The following ATP8A2 variants were observed in gnomAD, a reference collection of about 807,000 sequenced individuals.
The protein encoded by ATP8A2 is ATPase phospholipid transporting 8A2.
A neutral mutation model predicts 165.6 loss-of-function variants in ATP8A2; 100 were observed. The ratio of observed to expected loss-of-function variants is 0.60; its 90% CI spans 0.51 to 0.71. The LOEUF (loss-of-function observed/expected upper bound fraction) is 0.71. Ranked by LOEUF, ATP8A2 falls within the 30% of genes least tolerant of loss-of-function variation. The pLI is 0.00. For missense variants in ATP8A2, 1,227 were observed against 1,479.5 expected (o/e 0.83, Z 2.80); for synonymous variants, 543 against 548.8 (o/e 0.99, Z 0.15).
chr13:25,565,997 A>G (rs1301555690), intron 16 of ATP8A2, among the ~76,000 whole-genome samples: 1 of 152,206 alleles, frequency 6.6e-6, no homozygotes, highest in Non-Finnish European at 1.5e-5. Context: ...TTAGGTAAAC[A>G]TGAGCAAAAT....
chr13:25,531,893 G>C (rs2038125768), intron 4 of ATP8A2, among the ~76,000 whole-genome samples: 1 of 152,148 alleles, frequency 6.6e-6, no homozygotes, highest in South Asian at 2.1e-4. Flanking sequence ...AACACTTCTA[G>C]TCCCGAGCAT....
At position 25,428,042 on chromosome 13, in the gene ATP8A2, G is replaced by A. The variant is rs140106610; in HGVS notation, c.77-40935G>A. Among the ~76,000 whole-genome samples, 783 of 152,222 alleles carry A rather than the reference G, an allele frequency of 5.1e-3. 7 individuals carry two copies. The highest frequency in any genetic ancestry group is 0.016 in the African/African-American group (676 of 41,520). On this transcript the variant is annotated intron_variant, in intron 1 of 36. Coordinates refer to ENST00000381655, the MANE Select transcript of ATP8A2 (RefSeq NM_016529.6). The stretch of plus-strand genomic sequence containing the variant: ...CTACAAAAATTACAAAAATTAGCCA[G>A]GCATGGTGATGTGCGCCTGTAGTCC...
intron 25 of ATP8A2, among the ~76,000 whole-genome samples, chr13:25,734,998 G>T (rs942177390): frequency 2.6e-5 from 4 of 152,142 alleles, no homozygotes; most frequent in Admixed American, 6.5e-5. Context: ...AGGAACAAGC[G>T]ATAAGTTCTA....
intron 1 of ATP8A2, among the ~76,000 whole-genome samples, chr13:25,458,407 G>T (rs2137470303): frequency 6.6e-6 from 1 of 152,268 alleles, no homozygotes; most frequent in Middle Eastern, 3.4e-3. Context: ...TGAGATGAGG[G>T]TCTTTCTGTG....
chr13:25,376,854 A>G (rs1460471647), intron 1 of ATP8A2, among the ~76,000 whole-genome samples: 7 of 152,234 alleles, frequency 4.6e-5, no homozygotes, highest in Non-Finnish European at 1.0e-4. Flanking sequence ...TACTGTCATT[A>G]TCCAGGTGTA....
chr13:25,720,452 G>A (rs900825209), intron 25 of ATP8A2, among the ~76,000 whole-genome samples: 1 of 152,070 alleles, frequency 6.6e-6, no homozygotes, highest in Non-Finnish European at 1.5e-5. Context: ...ATGAGCCACT[G>A]CGCCTGGCCA....
rs1671453270 is a variant in ATP8A2 at position 26,022,571 on chromosome 13, A to G, written c.*2586A>G. 1 of 152,238 alleles carries G rather than the reference A, an allele frequency of 6.6e-6. No individual in the cohort carries two copies. The highest frequency in any genetic ancestry group is 6.5e-5 in the Admixed American group (1 of 15,290). The allele number at this position is 152,238 out of a possible 1,614,324, so 9.4% of individuals were successfully genotyped here. A position where few individuals can be genotyped will look rare whatever the true frequency, so the allele number is the denominator to read the frequency against. On this transcript the variant is annotated 3_prime_UTR_variant, in exon 37 of 37. Coordinates refer to ENST00000381655, the MANE Select transcript of ATP8A2 (RefSeq NM_016529.6). ...GCCTTTCTATCCTCTCATGTGGTTG[A>G]GCATTCTTACAGCCAAATGACTAAA...
At chr13:25,851,582 C>CAAA (rs200852097) in intron 30 of ATP8A2, among the ~76,000 whole-genome samples, 15,566 of 108,612 alleles carry the variant, frequency 0.14, 1,105 homozygotes, top group Non-Finnish European at 0.21. Flanking sequence ...GACTCTGTCT[C>CAAA]AAAAAAAAAA....
intron 2 of ATP8A2, among the ~76,000 whole-genome samples, chr13:25,479,948 G>C (rs1406544046): frequency 4.6e-5 from 7 of 150,966 alleles, no homozygotes; most frequent in African/African-American, 9.7e-5. Flanking sequence ...ACCTTTCCCC[G>C]CTTTCTATTC....
intron 36 of ATP8A2, among the ~76,000 whole-genome samples, chr13:26,019,355 C>T (rs1957048479): frequency 6.6e-6 from 1 of 152,220 alleles, no homozygotes; most frequent in Non-Finnish European, 1.5e-5. Flanking sequence ...TGGGATCGCG[C>T]CACTGCACTC....
chr13:25,683,330 G>A (rs990352822), intron 24 of ATP8A2, among the ~76,000 whole-genome samples: 3 of 152,190 alleles, frequency 2.0e-5, no homozygotes, highest in African/African-American at 7.2e-5. Context: ...GTGGACTGCA[G>A]TTGGTCCTCT....
intron 35 of ATP8A2, among the ~76,000 whole-genome samples, chr13:26,002,892 GTGTA>G (rs1489210049): frequency 1.8e-4 from 26 of 143,620 alleles, no homozygotes; most frequent in African/African-American, 6.8e-4. Flanking sequence ...GTGTGTGTGT[GTGTA>G]TGTACCACAG....
At position 25,912,503 on chromosome 13, in the gene ATP8A2, T is replaced by C. The variant is rs145437663; in HGVS notation, c.3184-49072T>C. 2.0e-3 allele frequency among the ~76,000 whole-genome samples: 302 copies of C among 152,296 alleles called. 3 individuals are homozygous for C. The highest frequency in any genetic ancestry group is 6.9e-3 in the African/African-American group (285 of 41,556). ...GAGTAGTGAATATAGTAAATAATAA[T>C]GTATCATACACTTAAAAATCACTAA... is the stretch of plus-strand genomic sequence containing the variant. On this transcript the variant is annotated intron_variant, in intron 33 of 36. Transcript: ENST00000381655.
intron 8 of ATP8A2, among the ~76,000 whole-genome samples, chr13:25,540,927 C>A (rs1403644063): frequency 6.6e-6 from 1 of 151,050 alleles, no homozygotes; most frequent in Non-Finnish European, 1.5e-5. Context: ...AGTGATGCGA[C>A]CTCGGCTTAC....
intron 26 of ATP8A2, among the ~76,000 whole-genome samples, chr13:25,770,993 G>A (rs1472645423): frequency 6.6e-6 from 1 of 152,214 alleles, no homozygotes; most frequent in African/African-American, 2.4e-5. Flanking sequence ...CCTCTCCAAA[G>A]CGGGGGCTCT....
chr13:25,947,852 T>A (rs2139132058), intron 33 of ATP8A2, among the ~76,000 whole-genome samples: 1 of 152,236 alleles, frequency 6.6e-6, no homozygotes, highest in South Asian at 2.1e-4. Context: ...TTGGTGAACA[T>A]CCTTCATCAT....
intron 25 of ATP8A2, among the ~76,000 whole-genome samples, chr13:25,703,152 C>T (rs1416276494): frequency 2.0e-5 from 3 of 152,026 alleles, no homozygotes; most frequent in African/African-American, 7.3e-5. Context: ...CTATCTCAGC[C>T]CACTGCAACC....
Position 25,699,176 on chromosome 13 carries a change from A to G in ATP8A2, c.2215A>G (p.Thr739Ala), listed in dbSNP as rs2042897144. The G allele has an allele frequency of 4.5e-6, 7 of 1,550,106 alleles. No individual in the cohort carries two copies. The highest frequency in any genetic ancestry group is 1.3e-5 in the South Asian group (1 of 79,932). Residue 739 changes from threonine (T) to alanine (A), a missense_variant, in exon 25 of 37, where the codon ACA (threonine) becomes GCA (alanine). Thr to Ala is a moderately conservative substitution (Grantham distance 58). This residue lies in a region of ATP8A2 where 592 missense variants were observed against 785.6 expected (regional missense o/e 0.75). Coordinates refer to ENST00000381655, the MANE Select transcript of ATP8A2 (RefSeq NM_016529.6). ...TTCCCCTATACTCTTGTTTCAGGCC[A>G]CAAGGGCAGCCATTACTCAGCACTG... is the stretch of plus-strand genomic sequence containing the variant. Reference protein sequence around the residue: ...ILLKEDSLDATRAAITQHCTD... With the variant: ...ILLKEDSLDAARAAITQHCTD...
intron 24 of ATP8A2, among the ~76,000 whole-genome samples, chr13:25,658,736 A>G (rs1004614671): frequency 2.0e-5 from 3 of 152,216 alleles, no homozygotes; most frequent in Admixed American, 6.5e-5. Context: ...CTCTGCTTTC[A>G]GACACTGCCA....
Sources: allele counts gnomAD v4.1 joint callset (sites outside exome capture counted in the v4.1 genomes callset), GRCh38; gene constraint gnomAD v4.1.1; regional missense constraint gnomAD v4.1.1; transcripts MANE v1.5; gene names NCBI Gene and HGNC (gene_info 2026-07-23, HGNC 2026-07-21).